Variants in ITPKB observed in about 807,000 individuals in gnomAD.
The protein encoded by ITPKB is inositol-trisphosphate 3-kinase B, also known as IP3 3-kinase B.
Under a neutral mutation model 69.4 loss-of-function variants are expected in ITPKB, and 13 were observed. The observed-to-expected ratio is 0.19, with a 90% CI of 0.12 to 0.30. The LOEUF (loss-of-function observed/expected upper bound fraction) is 0.30, where lower values mean the gene tolerates loss of function less well. Among genes scored for constraint, ITPKB ranks in the 10% least tolerant of loss-of-function variants. The pLI, the probability that ITPKB is intolerant of heterozygous loss-of-function variation, is 1.00. For missense variants in ITPKB, 1,240 were observed against 1,250.5 expected (o/e 0.99, Z 0.13); for synonymous variants, 584 against 513.7 (o/e 1.14, Z -1.85).
chr1:226,696,377 T>C (rs1378842422), intron 2 of ITPKB, among the ~76,000 whole-genome samples: 1 of 152,076 alleles, frequency 6.6e-6, no homozygotes, highest in Non-Finnish European at 1.5e-5. Context: ...GCTTGGCCCA[T>C]AAAAGGTGCT....
intron 2 of ITPKB, among the ~76,000 whole-genome samples, chr1:226,683,377 G>A (rs549914098): frequency 6.6e-6 from 1 of 152,334 alleles, no homozygotes; most frequent in African/African-American, 2.4e-5. Context: ...ACAGCCCTGT[G>A]AGGCAGCTGA....
Position 226,735,820 on chromosome 1 carries a change from G to A in ITPKB, c.1639C>T (p.Leu547=). The A allele has an allele frequency of 6.2e-7, 1 of 1,608,734 alleles. No homozygotes were observed. Among genetic ancestry groups the A allele is most frequent in the Admixed American group, 1.7e-5 (1 of 59,886 alleles). ...GGCTTGTCCGGATCTTGGGGTAGCA[G>A]CTCCGGACTTGGGAGGGCATCACTG... The part of the protein sequence containing the change: ...QDSDALPSPE[L]LPQDPDKPFL... The change falls in exon 2 of 8, where the codon CTG becomes TTG. Residue 547 remains leucine (L), a synonymous_variant. Coordinates refer to ENST00000429204, the MANE Select transcript of ITPKB (RefSeq NM_002221.4).
intron 2 of ITPKB, among the ~76,000 whole-genome samples, chr1:226,717,140 CGATGG>C (rs756283654): frequency 3.7e-4 from 57 of 152,126 alleles, no homozygotes; most frequent in Non-Finnish European, 2.6e-4. Context: ...CCCTGTTTCT[CGATGG>C]AGACCAAATC....
intron 2 of ITPKB, among the ~76,000 whole-genome samples, chr1:226,717,762 A>G (rs1657130667): frequency 6.6e-6 from 1 of 152,222 alleles, no homozygotes; most frequent in Admixed American, 6.5e-5. Flanking sequence ...CTGCCCGCCA[A>G]GGGGCATGAC....
chr1:226,647,159 T>C lies in ITPKB; in HGVS notation c.2246+8A>G. ...GCAGGCATGTGGGCTGCGAGAAGCC[T>C]GGCTCACCTGATTCCCATCTTGCAG... On this transcript the variant is annotated splice_region_variant and intron_variant, in intron 4 of 7. Coordinates refer to ENST00000429204, the MANE Select transcript of ITPKB (RefSeq NM_002221.4). The C allele has an allele frequency of 6.2e-7, 1 of 1,613,634 alleles. No homozygotes were observed. The highest frequency in any genetic ancestry group is 1.1e-5 in the South Asian group (1 of 91,088).
intron 2 of ITPKB, among the ~76,000 whole-genome samples, chr1:226,694,883 T>C (rs996974906): frequency 2.6e-5 from 4 of 152,248 alleles, no homozygotes; most frequent in African/African-American, 9.6e-5. Context: ...AGTTAAAAAG[T>C]TAACCAGGGC....
At chr1:226,709,600 A>G (rs1052746257) in intron 2 of ITPKB, among the ~76,000 whole-genome samples, 4 of 152,190 alleles carry the variant, frequency 2.6e-5, no homozygotes, top group East Asian at 1.9e-4. Context: ...CTTCCCCCCA[A>G]CAAGAACTTC....
chr1:226,662,649 C>T (rs141844518), intron 2 of ITPKB, among the ~76,000 whole-genome samples: 13 of 152,218 alleles, frequency 8.5e-5, no homozygotes, highest in African/African-American at 2.9e-4. Context: ...TGGTCTAAAT[C>T]CAAAGCCAGA....
intron 2 of ITPKB, among the ~76,000 whole-genome samples, chr1:226,711,761 G>A (rs1480774848): frequency 6.6e-6 from 1 of 152,070 alleles, no homozygotes; most frequent in Non-Finnish European, 1.5e-5. Context: ...ACCCACTAGG[G>A]TGTCTGCTCA....
At position 226,736,903 on chromosome 1, in the gene ITPKB, G is replaced by C. The variant is rs770864555; in HGVS notation, c.556C>G (p.Pro186Ala). 1.4e-5 allele frequency: 22 copies of C among 1,610,108 alleles called. No homozygotes were observed. Among genetic ancestry groups the C allele is most frequent in the Non-Finnish European group, 1.9e-5 (22 of 1,180,020 alleles). ...SPCPFRSSSQPPGRVLVQGAR... is the reference protein window; with the variant it reads ...SPCPFRSSSQAPGRVLVQGAR... ...CCCTGAACCAGGACCCTTCCAGGGG[G>C]CTGACTGCTGCTGCGGAAGGGGCAC... The change falls in exon 2 of 8, where the codon CCC becomes GCC. Residue 186 changes from proline (P) to alanine (A), a missense_variant. Pro to Ala is a conservative substitution (Grantham distance 27). This residue lies in a region of ITPKB where 992 missense variants were observed against 853.8 expected (regional missense o/e 1.16). Transcript: ENST00000429204.
At chr1:226,664,302 G>A (rs1413027098) in intron 2 of ITPKB, among the ~76,000 whole-genome samples, 3 of 152,256 alleles carry the variant, frequency 2.0e-5, no homozygotes, top group Non-Finnish European at 4.4e-5. Flanking sequence ...GGCACTTGGA[G>A]GAATGGTCTG....
At chr1:226,665,818 T>G (rs1274687055) in intron 2 of ITPKB, among the ~76,000 whole-genome samples, 1 of 152,214 alleles carries the variant, frequency 6.6e-6, no homozygotes, top group African/African-American at 2.4e-5. Flanking sequence ...GGTTGGCGTT[T>G]GGGACTTGCA....
At chr1:226,711,773 A>C (rs1344279166) in intron 2 of ITPKB, among the ~76,000 whole-genome samples, 1 of 152,014 alleles carries the variant, frequency 6.6e-6, no homozygotes, top group Non-Finnish European at 1.5e-5. Context: ...GTCTGCTCAT[A>C]CTTAGCATCC....
chr1:226,681,865 C>T (rs1571856406), intron 2 of ITPKB, among the ~76,000 whole-genome samples: 1 of 152,198 alleles, frequency 6.6e-6, no homozygotes, highest in East Asian at 1.9e-4. Flanking sequence ...ATCTGTCACT[C>T]AGGAGTCCAA....
chr1:226,638,980 CTTT>C (rs1392044209), intron 6 of ITPKB, among the ~76,000 whole-genome samples: 1 of 150,862 alleles, frequency 6.6e-6, no homozygotes, highest in Non-Finnish European at 1.5e-5. Flanking sequence ...TCGCCTTCTT[CTTT>C]ACTTTCCAAG....
chr1:226,720,826 C>A (rs1433625312), intron 2 of ITPKB, among the ~76,000 whole-genome samples: 2 of 147,164 alleles, frequency 1.4e-5, no homozygotes, highest in African/African-American at 5.0e-5. Context: ...CCGAGACGGG[C>A]AGATCACGCG....
intron 2 of ITPKB, among the ~76,000 whole-genome samples, chr1:226,702,626 G>A (rs545193167): frequency 6.6e-6 from 1 of 152,118 alleles, no homozygotes; most frequent in Non-Finnish European, 1.5e-5. Flanking sequence ...CAATCATTTG[G>A]CTCCAAGAAA....
intron 2 of ITPKB, among the ~76,000 whole-genome samples, chr1:226,698,319 G>A (rs1162115602): frequency 6.6e-6 from 1 of 152,262 alleles, no homozygotes; most frequent in Non-Finnish European, 1.5e-5. Context: ...ACTGAGCAGA[G>A]CTGACCTTAG....
intron 2 of ITPKB, among the ~76,000 whole-genome samples, chr1:226,661,515 G>C (rs1669401781): frequency 1.3e-5 from 2 of 152,280 alleles, no homozygotes; most frequent in South Asian, 4.1e-4. Flanking sequence ...CTCATTTCCT[G>C]TCATGTGGAA....
Sources: gnomAD v4.1 joint callset for allele counts (sites outside exome capture counted in the v4.1 genomes callset) on GRCh38, gnomAD v4.1.1 for gene constraint, gnomAD v4.1.1 regional missense constraint, MANE v1.5 for transcripts, NCBI Gene and HGNC (gene_info 2026-07-23, HGNC 2026-07-21) for gene names.